The following OSBPL1A variants were observed in gnomAD, a reference collection of about 807,000 sequenced individuals.
OSBPL1A encodes the protein oxysterol binding protein like 1A.
In OSBPL1A, 80 loss-of-function variants were observed where a neutral mutation model predicts 137.1. The ratio of observed to expected loss-of-function variants is 0.58; its 90% CI spans 0.49 to 0.70. The LOEUF is 0.70. Ranked by LOEUF, OSBPL1A falls within the 30% of genes least tolerant of loss-of-function variation. The probability of loss-of-function intolerance (pLI) is 0.00; values close to 1 mark genes in which losing one functional copy is unlikely to be tolerated. For missense variants in OSBPL1A, 970 were observed against 1,129.4 expected, an observed-to-expected ratio of 0.86 and a Z score of 2.02; for synonymous variants, 365 against 389.7, an observed-to-expected ratio of 0.94 and a Z score of 0.75.
At chr18:24,258,611 T>C (rs1308823539) in intron 15 of OSBPL1A, among the ~76,000 whole-genome samples, 1 of 152,212 alleles carries the variant, frequency 6.6e-6, no homozygotes, top group African/African-American at 2.4e-5. Flanking sequence ...ATTGCACACT[T>C]TATAATTGGA....
Position 24,303,623 on chromosome 18 carries a change from G to C in OSBPL1A, c.1174+14C>G, listed in dbSNP as rs766197108. On this transcript the variant is annotated intron_variant, in intron 14 of 27. Transcript: ENST00000319481. ...GTTAAAGAGTGATTGTAGGGATAGT[G>C]CTTGTCTTTTTACCTTTAGCCATGT... 8 of 1,600,242 alleles carry C rather than the reference G, an allele frequency of 5.0e-6. No homozygotes were observed. In the African/African-American group the frequency reaches 1.1e-4, roughly 21 times the overall value.
At chr18:24,241,936 C>T (rs958691427) in intron 15 of OSBPL1A, among the ~76,000 whole-genome samples, 1 of 152,112 alleles carries the variant, frequency 6.6e-6, no homozygotes, top group Non-Finnish European at 1.5e-5. Flanking sequence ...CCATGGAATA[C>T]TACACAGCCA....
At chr18:24,270,278 T>C (rs1017403661) in intron 15 of OSBPL1A, among the ~76,000 whole-genome samples, 3 of 152,228 alleles carry the variant, frequency 2.0e-5, no homozygotes, top group Admixed American at 2.0e-4. Flanking sequence ...AATTATTTTC[T>C]CAGTTATGCA....
At chr18:24,251,394 G>A (rs755071294) in intron 15 of OSBPL1A, among the ~76,000 whole-genome samples, 1 of 152,186 alleles carries the variant, frequency 6.6e-6, no homozygotes, top group South Asian at 2.1e-4. Context: ...AGTTCCAGGT[G>A]GCCGAGCAAA....
intron 18 of OSBPL1A, among the ~76,000 whole-genome samples, chr18:24,193,973 C>T (rs2086958449): frequency 6.6e-6 from 1 of 152,184 alleles, no homozygotes; most frequent in Non-Finnish European, 1.5e-5. Context: ...TGCAATCCAA[C>T]ATAACATCAT....
At chr18:24,254,868 T>C (rs1256740072) in intron 15 of OSBPL1A, among the ~76,000 whole-genome samples, 1 of 151,832 alleles carries the variant, frequency 6.6e-6, no homozygotes, top group Non-Finnish European at 1.5e-5. Flanking sequence ...CAGAAATAAA[T>C]GAAACTGAAG....
At chr18:24,170,211 TAGCA>T (rs1459118261) in intron 24 of OSBPL1A, 112 bp downstream of exon 24, 13 of 1,226,154 alleles carry the variant, frequency 1.1e-5, no homozygotes, top group Non-Finnish European at 1.3e-5. Context: ...TGACATGCAT[TAGCA>T]ACAAGGAAGA....
intron 15 of OSBPL1A, among the ~76,000 whole-genome samples, chr18:24,278,555 A>G (rs1269722365): frequency 6.6e-6 from 1 of 152,194 alleles, no homozygotes; most frequent in African/African-American, 2.4e-5. Context: ...TAAATAACCT[A>G]AAGAATTAGG....
intron 14 of OSBPL1A, among the ~76,000 whole-genome samples, chr18:24,300,581 G>T (rs1444687833): frequency 6.6e-6 from 1 of 152,198 alleles, no homozygotes; most frequent in Non-Finnish European, 1.5e-5. Context: ...TAAAGGGCAG[G>T]CTGCTGCAGT....
chr18:24,237,943 ATCT>A (rs1459069784), intron 16 of OSBPL1A, among the ~76,000 whole-genome samples: 1 of 152,162 alleles, frequency 6.6e-6, no homozygotes. Flanking sequence ...CATCATTATA[ATCT>A]TCTTTGTCCA....
At position 24,170,442 on chromosome 18, in the gene OSBPL1A, A is replaced by G; in HGVS notation, c.2303T>C (p.Leu768Pro). 6.2e-7 allele frequency: 1 copy of G among 1,614,042 alleles called. No individual in the cohort carries two copies. The highest frequency in any genetic ancestry group is 8.5e-7 in the Non-Finnish European group (1 of 1,180,008). The change falls in exon 24 of 28, where the codon CTC (leucine) becomes CCC (proline). Residue 768 changes from leucine to proline, a missense_variant. Physicochemically the swap from Leu to Pro is moderately conservative, Grantham distance 98. This residue lies in a region of OSBPL1A where 323 missense variants were observed against 456.8 expected (regional missense o/e 0.71). Transcript: ENST00000319481. ...GYIQDKSKKKLCALYGKWTEC... is the reference protein window; with the variant it reads ...GYIQDKSKKKPCALYGKWTEC... ...AGTCCACTTCCCATAGAGGGCACAG[A>G]GCTTCTTTTTGCTGTCAAGAAAAAC...
intron 5 of OSBPL1A, among the ~76,000 whole-genome samples, chr18:24,335,046 C>T (rs2091150971): frequency 1.3e-5 from 2 of 152,148 alleles, no homozygotes; most frequent in Non-Finnish European, 1.5e-5. Context: ...TGCACCACCA[C>T]ACCTGGTGAA....
At chr18:24,384,555 G>A (rs755714765) in intron 1 of OSBPL1A, among the ~76,000 whole-genome samples, 4 of 148,404 alleles carry the variant, frequency 2.7e-5, no homozygotes, top group African/African-American at 5.0e-5. Flanking sequence ...GTGACAGAGC[G>A]AGATCCTGTC....
At chr18:24,338,480 CT>C (rs2146150661) in intron 5 of OSBPL1A, among the ~76,000 whole-genome samples, 1 of 152,238 alleles carries the variant, frequency 6.6e-6, no homozygotes, top group African/African-American at 2.4e-5. Context: ...CATCATGTAT[CT>C]TTCAAGGCAA....
intron 18 of OSBPL1A, among the ~76,000 whole-genome samples, chr18:24,186,658 C>A (rs1363724360): frequency 6.6e-6 from 1 of 152,064 alleles, no homozygotes; most frequent in Non-Finnish European, 1.5e-5. Context: ...GTAATCCCAG[C>A]ACTTTGGGAA....
At chr18:24,391,047 C>T (rs1241544291) in intron 1 of OSBPL1A, among the ~76,000 whole-genome samples, 2 of 152,084 alleles carry the variant, frequency 1.3e-5, no homozygotes, top group Admixed American at 1.3e-4. Flanking sequence ...TTGCAGTGAG[C>T]CGAGATCCCA....
intron 14 of OSBPL1A, among the ~76,000 whole-genome samples, chr18:24,290,509 T>C (rs900119700): frequency 6.6e-6 from 1 of 152,104 alleles, no homozygotes; most frequent in Non-Finnish European, 1.5e-5. Flanking sequence ...GATAAAACCC[T>C]GTCTTTACTA....
At chr18:24,354,473 G>A (rs1181037827) in intron 4 of OSBPL1A, among the ~76,000 whole-genome samples, 1 of 152,104 alleles carries the variant, frequency 6.6e-6, no homozygotes, top group Non-Finnish European at 1.5e-5. Context: ...AGGTAACACC[G>A]AATTTGGAAA....
rs140482877 is a variant in OSBPL1A at position 24,384,850 on chromosome 18, G to A, written c.-2-7315C>T. On this transcript the variant is annotated intron_variant, in intron 1 of 27. Coordinates refer to ENST00000319481, the MANE Select transcript of OSBPL1A (RefSeq NM_080597.4). ...GAACGCGCCATTGCACCCCAGCCTC[G>A]GCGACAAGAGTGAAACTGTCTCGGA... is the stretch of plus-strand genomic sequence containing the variant. 1.5e-3 allele frequency among the ~76,000 whole-genome samples: 220 copies of A among 150,508 alleles called. 1 individual carries two copies. Among genetic ancestry groups the A allele is most frequent in the African/African-American group, 3.9e-3 (161 of 40,890 alleles).
Sources: allele counts gnomAD v4.1 joint callset (sites outside exome capture counted in the v4.1 genomes callset), GRCh38; gene constraint gnomAD v4.1.1; regional missense constraint gnomAD v4.1.1; transcripts MANE v1.5; gene names NCBI Gene and HGNC (gene_info 2026-07-23, HGNC 2026-07-21).